CNTN4: variants seen among roughly 807,000 people sequenced by gnomAD.
CNTN4 encodes contactin-4.
CNTN4 carries 77 observed loss-of-function variants against 122.5 expected under a neutral mutation model. The ratio of observed to expected loss-of-function variants is 0.63; its 90% CI spans 0.52 to 0.76. The LOEUF is 0.76. CNTN4 is among the 30% of genes least tolerant of loss of function. CNTN4 has a pLI of 0.00. For synonymous variants in CNTN4, 512 were observed against 447.0 expected (o/e 1.15, Z -1.83); for missense variants, 1,256 against 1,259.1 (o/e 1.00, Z 0.04).
intron 2 of CNTN4, among the ~76,000 whole-genome samples, chr3:2,134,985 C>T (rs2034621699): frequency 6.6e-6 from 1 of 152,136 alleles, no homozygotes; most frequent in African/African-American, 2.4e-5. Context: ...CAACCTGTGG[C>T]CCAGTCAAGT....
rs1314274717 is a variant in CNTN4, at chr3:3,046,629, CACTAA to C, written c.2811+2928_2811+2932del. 2.6e-5 allele frequency among the ~76,000 whole-genome samples: 4 copies of C among 152,168 alleles called. No homozygotes were observed. In the East Asian group the frequency reaches 7.7e-4, roughly 29 times the overall value. The stretch of plus-strand genomic sequence containing the variant: ...GCCCTAAAAGTGCTCCTGAAGGAAG[CACTAA>C]ACATGGAAAGGAACAGCCAGTACCA... On this transcript the variant is annotated intron_variant, in intron 23 of 24. Coordinates refer to ENST00000418658, the MANE Select transcript of CNTN4 (RefSeq NM_175607.3).
intron 8 of CNTN4, among the ~76,000 whole-genome samples, chr3:2,867,750 G>A (rs9828620): frequency 0.37 from 55,411 of 151,440 alleles, 10,531 homozygotes; most frequent in African/African-American, 0.42. Flanking sequence ...ACCATGCTGC[G>A]TCAGGTACCT....
intron 6 of CNTN4, among the ~76,000 whole-genome samples, chr3:2,800,112 C>T (rs2092312438): frequency 7.3e-6 from 1 of 136,814 alleles, no homozygotes. Flanking sequence ...ATTGCTTTGG[C>T]TATTCAGGTT....
intron 15 of CNTN4, among the ~76,000 whole-genome samples, chr3:3,027,003 A>G (rs1698779051): frequency 6.6e-6 from 1 of 152,174 alleles, no homozygotes; most frequent in Admixed American, 6.6e-5. Flanking sequence ...GATGGAGTCC[A>G]GCCAAAACAT....
rs143598448 is a variant in CNTN4 at position 2,203,585 on chromosome 3, A to T, written c.-145+102946A>T. ...CCATGAGAAAGGCTCTATTTTCTCT[A>T]AGTTAATTAGAGAAAATGTACCTGC... On this transcript the variant is annotated intron_variant, in intron 2 of 24. Transcript: ENST00000418658. Among the ~76,000 whole-genome samples, 391 of 152,218 alleles carry T rather than the reference A, an allele frequency of 2.6e-3. 3 individuals carry two copies. The highest frequency in any genetic ancestry group is 9.0e-3 in the African/African-American group (373 of 41,548).
chr3:2,328,952 A>G (rs941258499), intron 2 of CNTN4, among the ~76,000 whole-genome samples: 2 of 152,138 alleles, frequency 1.3e-5, no homozygotes, highest in African/African-American at 4.8e-5. Flanking sequence ...ACCATCTCTA[A>G]TGTTGTCTAT....
Position 2,610,668 on chromosome 3 carries a change from T to C in CNTN4, c.55+39110T>C, listed in dbSNP as rs560107547. ...TAAATTCTAGGTAGAGAACAGACCA[T>C]GGAAATGTTGTTTTAATTTGTGTTA... On this transcript the variant is annotated intron_variant, in intron 4 of 24. Transcript: ENST00000418658. 2.6e-5 allele frequency among the ~76,000 whole-genome samples: 4 copies of C among 152,310 alleles called. No individual in the cohort carries two copies. The East Asian group carries it at 7.7e-4, about 29-fold the overall frequency.
chr3:2,969,525 T>TATGATTATTATG (rs1553710741), intron 13 of CNTN4, among the ~76,000 whole-genome samples: 2 of 151,850 alleles, frequency 1.3e-5, no homozygotes, highest in African/African-American at 4.8e-5. Flanking sequence ...GGATTATTAT[T>TATGATTATTATG]ATTATTATTA....
intron 12 of CNTN4, among the ~76,000 whole-genome samples, chr3:2,916,715 G>A (rs1287532158): frequency 1.4e-5 from 2 of 142,046 alleles, no homozygotes; most frequent in Non-Finnish European, 3.0e-5. Flanking sequence ...GAGCTGTTGG[G>A]TACACCTCCC....
chr3:2,624,769 C>T (rs1462338291), intron 4 of CNTN4, among the ~76,000 whole-genome samples: 1 of 151,300 alleles, frequency 6.6e-6, no homozygotes, highest in African/African-American at 2.4e-5. Context: ...ATAGCTGGGA[C>T]TATAGGCGCA....
chr3:2,938,284 G>A lies in CNTN4; in HGVS notation c.1358+12505G>A, dbSNP rs532912162. Among the ~76,000 whole-genome samples the A allele has an allele frequency of 3.3e-5, 5 of 151,936 alleles. No homozygotes were observed. In the South Asian group the frequency reaches 8.4e-4, roughly 25 times the overall value. ...CCATTTTTATCTCTGTAAAAAAAAT[G>A]AGCATTTTCAACCCCCCATCTGTCA... On this transcript the variant is annotated intron_variant, in intron 13 of 24. Coordinates refer to ENST00000418658, the MANE Select transcript of CNTN4 (RefSeq NM_175607.3).
intron 2 of CNTN4, among the ~76,000 whole-genome samples, chr3:2,307,706 T>C (rs534961000): frequency 1.9e-4 from 29 of 152,310 alleles, no homozygotes; most frequent in African/African-American, 6.7e-4. Flanking sequence ...TGTATTAATA[T>C]GGTGTGCTAC....
At chr3:2,741,979 C>A (rs2089479927) in intron 5 of CNTN4, among the ~76,000 whole-genome samples, 1 of 152,180 alleles carries the variant, frequency 6.6e-6, no homozygotes, top group African/African-American at 2.4e-5. Context: ...TGCCTTTATG[C>A]CTTTGGCAGT....
At chr3:2,632,208 G>A (rs79587152) in intron 4 of CNTN4, among the ~76,000 whole-genome samples, 2 of 152,090 alleles carry the variant, frequency 1.3e-5, no homozygotes, top group Non-Finnish European at 2.9e-5. Flanking sequence ...TGCTCATCTG[G>A]TACATTTTCT....
intron 2 of CNTN4, among the ~76,000 whole-genome samples, chr3:2,153,758 A>C (rs947056958): frequency 6.6e-6 from 1 of 152,194 alleles, no homozygotes; most frequent in African/African-American, 2.4e-5. Flanking sequence ...GAAAGGGAGC[A>C]GAACAGTTAT....
chr3:2,415,452 A>C (rs1288643587), intron 3 of CNTN4, among the ~76,000 whole-genome samples: 1 of 152,222 alleles, frequency 6.6e-6, no homozygotes, highest in African/African-American at 2.4e-5. Context: ...ACTTGGCTTA[A>C]CCAGGTGTGG....
rs115258384 is a variant in CNTN4 at position 2,369,923 on chromosome 3, A to G, written c.-89+30690A>G. On this transcript the variant is annotated intron_variant, in intron 3 of 24. Coordinates refer to ENST00000418658, the MANE Select transcript of CNTN4 (RefSeq NM_175607.3). ...CTTGAGAATGTCTGGGCCTGTTTATACTGTCACCATCGTTTTGATACACAA... is the reference window on the plus strand; with the variant it reads ...CTTGAGAATGTCTGGGCCTGTTTATGCTGTCACCATCGTTTTGATACACAA... Among the ~76,000 whole-genome samples the G allele has an allele frequency of 5.4e-3, 820 of 152,188 alleles. 4 individuals carry two copies. Among genetic ancestry groups the G allele is most frequent in the African/African-American group, 0.019 (787 of 41,520 alleles).
At chr3:2,751,796 AT>A (rs1214550736) in intron 6 of CNTN4, among the ~76,000 whole-genome samples, 1 of 152,130 alleles carries the variant, frequency 6.6e-6, no homozygotes, top group African/African-American at 2.4e-5. Context: ...TTTTAAAAAA[AT>A]AAATTTCAGT....
Position 2,191,701 on chromosome 3 carries a change from T to TACACACACAC in CNTN4, c.-145+91063_-145+91064insCACACACACA, listed in dbSNP as rs1335159198. Among the ~76,000 whole-genome samples, 27 of 32,022 alleles carry TACACACACAC rather than the reference T, an allele frequency of 8.4e-4. No homozygotes were observed. The East Asian group carries it at 0.018, about 21-fold the overall frequency. The allele number at this position is 32,022 out of a possible 152,430, so 21.0% of individuals were successfully genotyped here. A position where few individuals can be genotyped will look rare whatever the true frequency, so the allele number is the denominator to read the frequency against. On this transcript the variant is annotated intron_variant, in intron 2 of 24. Transcript: ENST00000418658. ...TATTTAACAAAATTCTATGTATATA[T>TACACACACAC]ATATATATACACACACACACACATA...
Sources: gnomAD v4.1 joint callset for allele counts (sites outside exome capture counted in the v4.1 genomes callset) on GRCh38, gnomAD v4.1.1 for gene constraint, MANE v1.5 for transcripts, NCBI Gene and HGNC (gene_info 2026-07-23, HGNC 2026-07-21) for gene names.